Variants in XIRP2 observed in about 807,000 individuals in gnomAD.
The protein encoded by XIRP2 is xin actin-binding repeat-containing protein 2.
A neutral mutation model predicts 277.0 loss-of-function variants in XIRP2; 236 were observed. The ratio of observed to expected loss-of-function variants is 0.85; its 90% CI spans 0.77 to 0.95. XIRP2 has a LOEUF of 0.95. Ranked by LOEUF, XIRP2 falls within the 40% of genes least tolerant of loss-of-function variation. The pLI is 0.00. For missense variants in XIRP2, 4,640 were observed against 4,157.5 expected, an observed-to-expected ratio of 1.12 and a Z score of -3.19; for synonymous variants, 1,490 against 1,416.5, an observed-to-expected ratio of 1.05 and a Z score of -1.17.
At chr2:167,127,849 T>C (rs1292858026) in intron 2 of XIRP2, among the ~76,000 whole-genome samples, 1 of 152,214 alleles carries the variant, frequency 6.6e-6, no homozygotes, top group Non-Finnish European at 1.5e-5. Context: ...CTTTTATGCA[T>C]GAAATTAACA....
At chr2:167,223,546 A>G (rs2105407215) in intron 5 of XIRP2, among the ~76,000 whole-genome samples, 1 of 152,330 alleles carries the variant, frequency 6.6e-6, no homozygotes, top group South Asian at 2.1e-4. Context: ...TAATCTGACT[A>G]CTGTGTGTTT....
intron 2 of XIRP2, among the ~76,000 whole-genome samples, chr2:167,135,189 A>T (rs1211338384): frequency 6.6e-6 from 1 of 152,062 alleles, no homozygotes; most frequent in African/African-American, 2.4e-5. Context: ...CAATGTTTTT[A>T]TTCAAAATAT....
chr2:167,245,402 T>G lies in XIRP2; in HGVS notation c.4010T>G (p.Val1337Gly), dbSNP rs1371763818. The G allele has an allele frequency of 6.2e-7, 1 of 1,613,540 alleles. No individual in the cohort carries two copies. The highest frequency in any genetic ancestry group is 2.2e-5 in the East Asian group (1 of 44,822). ...REGSYHEVTTVKKEEVIHGDV... is the reference protein window; with the variant it reads ...REGSYHEVTTGKKEEVIHGDV... Reference sequence around the variant, plus strand: ...GGGTCCTATCATGAAGTGACCACAGTTAAAAAAGAAGAGGTAATTCATGGA... The same window carrying G: ...GGGTCCTATCATGAAGTGACCACAGGTAAAAAAGAAGAGGTAATTCATGGA... Residue 1337 changes from valine (V) to glycine (G), a missense_variant, in exon 9 of 11, where the codon GTT becomes GGT. Val to Gly is a moderately radical substitution (Grantham distance 109). Coordinates refer to ENST00000409195, the MANE Select transcript of XIRP2 (RefSeq NM_152381.6).
Position 167,247,940 on chromosome 2 carries a change from A to G in XIRP2, c.6548A>G (p.Gln2183Arg). 1 of 1,610,470 alleles carries G rather than the reference A, an allele frequency of 6.2e-7. No individual in the cohort carries two copies. The highest frequency in any genetic ancestry group is 1.3e-5 in the African/African-American group (1 of 74,648). ...ACTTACGACCTTTCAGGGGACTTTC[A>G]GAAGCAAACTTTGTTAAAGCAAGAA... is the stretch of plus-strand genomic sequence containing the variant. Reference protein sequence around the residue: ...GGTYDLSGDFQKQTLLKQETK... With the variant: ...GGTYDLSGDFRKQTLLKQETK... The change falls in exon 9 of 11, where the codon CAG becomes CGG. Residue 2183 changes from glutamine (Q) to arginine (R), a missense_variant. Gln to Arg is a conservative substitution (Grantham distance 43). Coordinates refer to ENST00000409195, the MANE Select transcript of XIRP2 (RefSeq NM_152381.6).
chr2:167,001,427 T>C (rs1406232577), intron 2 of XIRP2, among the ~76,000 whole-genome samples: 1 of 152,170 alleles, frequency 6.6e-6, no homozygotes, highest in East Asian at 1.9e-4. Flanking sequence ...CCTCAAATGA[T>C]ATCTATAATA....
intron 2 of XIRP2, among the ~76,000 whole-genome samples, chr2:166,945,088 C>A (rs538216085): frequency 6.6e-6 from 1 of 152,168 alleles, no homozygotes; most frequent in African/African-American, 2.4e-5. Flanking sequence ...AGCTCAGAAC[C>A]CATCCTCCAT....
chr2:167,246,700 A>C lies in XIRP2; in HGVS notation c.5308A>C (p.Thr1770Pro), dbSNP rs1419631079. 1 of 1,613,760 alleles carries C rather than the reference A, an allele frequency of 6.2e-7. No individual in the cohort carries two copies. Among genetic ancestry groups the C allele is most frequent in the South Asian group, 1.1e-5 (1 of 91,076 alleles). Residue 1770 changes from threonine to proline, a missense_variant, in exon 9 of 11, where the codon ACA becomes CCA. Physicochemically the swap from Thr to Pro is conservative, Grantham distance 38. Transcript: ENST00000409195. The part of the protein sequence containing the change: ...QLHTESNETL[T>P]AKKQEGEKEI... ...CCACACAGAGTCAAATGAAACACTG[A>C]CAGCTAAGAAACAAGAAGGAGAGAA...
intron 2 of XIRP2, among the ~76,000 whole-genome samples, chr2:166,983,178 G>A (rs1441621019): frequency 6.6e-6 from 1 of 151,954 alleles, no homozygotes; most frequent in Non-Finnish European, 1.5e-5. Flanking sequence ...CATCTGTATT[G>A]TATAATCCTA....
chr2:167,015,263 A>G (rs955894937), intron 2 of XIRP2, among the ~76,000 whole-genome samples: 1 of 151,904 alleles, frequency 6.6e-6, no homozygotes, highest in Non-Finnish European at 1.5e-5. Context: ...AAAAGTTCAT[A>G]TTACTGCTAG....
chr2:167,215,475 TC>T (rs1694217029), intron 4 of XIRP2, among the ~76,000 whole-genome samples: 1 of 152,212 alleles, frequency 6.6e-6, no homozygotes, highest in African/African-American at 2.4e-5. Flanking sequence ...TCTATAATAT[TC>T]TGGAGTATGG....
chr2:166,961,424 A>T (rs1686294007), intron 2 of XIRP2, among the ~76,000 whole-genome samples: 1 of 151,732 alleles, frequency 6.6e-6, no homozygotes. Flanking sequence ...TTGTATTATA[A>T]GTTACTTTTA....
At chr2:166,892,326 C>A (rs575722042) in intron 1 of XIRP2, among the ~76,000 whole-genome samples, 1 of 152,150 alleles carries the variant, frequency 6.6e-6, no homozygotes, top group South Asian at 2.1e-4. Context: ...CTGTGATCTC[C>A]AAAGCACACT....
chr2:167,155,094 G>A (rs1220948934), intron 3 of XIRP2, among the ~76,000 whole-genome samples: 2 of 151,194 alleles, frequency 1.3e-5, no homozygotes, highest in East Asian at 1.9e-4. Context: ...TGAAATTGTG[G>A]CAATAATCAA....
At chr2:167,203,861 G>A (rs1693787249) in intron 3 of XIRP2, among the ~76,000 whole-genome samples, 1 of 152,016 alleles carries the variant, frequency 6.6e-6, no homozygotes, top group Non-Finnish European at 1.5e-5. Context: ...TATGTGTATT[G>A]GTATGCTATC....
intron 2 of XIRP2, among the ~76,000 whole-genome samples, chr2:167,042,322 C>A (rs1688678149): frequency 1.3e-5 from 2 of 152,202 alleles, no homozygotes; most frequent in African/African-American, 4.8e-5. Flanking sequence ...ATGACAGGAT[C>A]AAATCCTCAC....
intron 1 of XIRP2, among the ~76,000 whole-genome samples, chr2:166,890,948 G>A (rs531171627): frequency 6.6e-6 from 1 of 152,258 alleles, no homozygotes; most frequent in Non-Finnish European, 1.5e-5. Context: ...AGCACAAACA[G>A]GGGTTATGGT....
intron 2 of XIRP2, among the ~76,000 whole-genome samples, chr2:166,934,211 A>C (rs890866039): frequency 2.0e-5 from 3 of 146,712 alleles, no homozygotes; most frequent in Non-Finnish European, 4.4e-5. Flanking sequence ...AAAAAAAAAA[A>C]AAACAAAACT....
chr2:167,219,695 A>G (rs1351369623), intron 5 of XIRP2, among the ~76,000 whole-genome samples: 2 of 152,120 alleles, frequency 1.3e-5, no homozygotes, highest in South Asian at 2.1e-4. Context: ...CTACGTTTTC[A>G]TTTTACGCTG....
intron 2 of XIRP2, among the ~76,000 whole-genome samples, chr2:167,003,014 T>A (rs1687411960): frequency 6.6e-6 from 1 of 151,952 alleles, no homozygotes; most frequent in Non-Finnish European, 1.5e-5. Context: ...TCATTTCTTA[T>A]GTTTCTCTTA....
Sources: gnomAD v4.1 joint callset for allele counts (sites outside exome capture counted in the v4.1 genomes callset) on GRCh38, gnomAD v4.1.1 for gene constraint, MANE v1.5 for transcripts, NCBI Gene and HGNC (gene_info 2026-07-23, HGNC 2026-07-21) for gene names.